The following ULK4 variants were observed in gnomAD, a reference collection of about 807,000 sequenced individuals.
ULK4 encodes the protein unc-51 like kinase 4.
A neutral mutation model predicts 160.6 loss-of-function variants in ULK4; 133 were observed. The observed-to-expected ratio is 0.83, with a 90% CI of 0.72 to 0.96. The LOEUF (loss-of-function observed/expected upper bound fraction) is 0.96. Among genes scored for constraint, ULK4 ranks in the 40% least tolerant of loss-of-function variants. The pLI is 0.00. For synonymous variants in ULK4, 534 were observed against 539.8 expected (o/e 0.99, Z 0.15); for missense variants, 1,580 against 1,499.5 (o/e 1.05, Z -0.89).
At chr3:41,677,627 G>A (rs1383488856) in intron 29 of ULK4, among the ~76,000 whole-genome samples, 2 of 152,030 alleles carry the variant, frequency 1.3e-5, no homozygotes, top group South Asian at 2.1e-4. Context: ...CACCGCGCCC[G>A]GCCCCTAAAG....
chr3:41,893,663 T>C, intron 16 of ULK4, among the ~76,000 whole-genome samples: 1 of 152,212 alleles, frequency 6.6e-6, no homozygotes, highest in East Asian at 1.9e-4. Flanking sequence ...AAATAGTAAA[T>C]AAAATGATCA....
intron 35 of ULK4, among the ~76,000 whole-genome samples, chr3:41,287,617 C>T (rs1290665146): frequency 2.6e-5 from 4 of 152,194 alleles, no homozygotes; most frequent in Admixed American, 6.5e-5. Flanking sequence ...TCTCCTTTCA[C>T]CCCTGGGGCA....
chr3:41,366,194 C>A (rs1197712465), intron 35 of ULK4, among the ~76,000 whole-genome samples: 1 of 152,182 alleles, frequency 6.6e-6, no homozygotes, highest in East Asian at 1.9e-4. Context: ...GGAATCCCAG[C>A]CAAAGGGCTT....
At chr3:41,560,485 CT>C (rs1316439106) in intron 32 of ULK4, among the ~76,000 whole-genome samples, 2 of 152,192 alleles carry the variant, frequency 1.3e-5, no homozygotes, top group African/African-American at 4.8e-5. Flanking sequence ...TTGATTCTTC[CT>C]ATCCATGAAC....
chr3:41,843,753 G>T (rs9758705), intron 17 of ULK4, among the ~76,000 whole-genome samples: 72 of 152,268 alleles, frequency 4.7e-4, no homozygotes, highest in African/African-American at 1.6e-3. Flanking sequence ...GGACCCGAGT[G>T]GGTTGCCACT....
chr3:41,733,824 T>C (rs6599173), intron 22 of ULK4, among the ~76,000 whole-genome samples: 19,541 of 139,622 alleles, frequency 0.14, 4,214 homozygotes, highest in African/African-American at 0.47. Flanking sequence ...AACCTCCACC[T>C]CCCGGGTTCA....
chr3:41,704,080 T>C (rs973132153), intron 27 of ULK4, among the ~76,000 whole-genome samples: 1 of 152,248 alleles, frequency 6.6e-6, no homozygotes, highest in Admixed American at 6.5e-5. Flanking sequence ...CAACTCATGA[T>C]TGACTGCTAT....
At chr3:41,648,100 A>G (rs2034590119) in intron 30 of ULK4, among the ~76,000 whole-genome samples, 1 of 151,952 alleles carries the variant, frequency 6.6e-6, no homozygotes, top group Non-Finnish European at 1.5e-5. Context: ...GCCGTCTGTC[A>G]CCCCTTTCTT....
chr3:41,832,809 T>C (rs989437150), intron 18 of ULK4, among the ~76,000 whole-genome samples: 5 of 152,210 alleles, frequency 3.3e-5, no homozygotes, highest in African/African-American at 1.2e-4. Flanking sequence ...CTTTCCCCAT[T>C]GCTTTTGTCA....
At chr3:41,919,009 T>C (rs1433721576) in intron 6 of ULK4, among the ~76,000 whole-genome samples, 1 of 152,190 alleles carries the variant, frequency 6.6e-6, no homozygotes. Context: ...TACGAGGCAC[T>C]GCCTATATAT....
chr3:41,527,977 T>A (rs1240447840), intron 32 of ULK4, among the ~76,000 whole-genome samples: 1 of 152,174 alleles, frequency 6.6e-6, no homozygotes, highest in Non-Finnish European at 1.5e-5. Flanking sequence ...CCTCGAGAAT[T>A]ATAAATGTAT....
chr3:41,251,711 G>A (rs1441570020), intron 35 of ULK4, among the ~76,000 whole-genome samples: 1 of 152,188 alleles, frequency 6.6e-6, no homozygotes, highest in Non-Finnish European at 1.5e-5. Context: ...TGGGGACAGA[G>A]GTGGCAGCAA....
intron 30 of ULK4, among the ~76,000 whole-genome samples, chr3:41,618,604 T>C (rs1048443229): frequency 6.6e-6 from 1 of 152,192 alleles, no homozygotes; most frequent in Non-Finnish European, 1.5e-5. Flanking sequence ...AGGCCTGCTT[T>C]ACAGGAGCTC....
intron 30 of ULK4, among the ~76,000 whole-genome samples, chr3:41,645,303 C>A (rs2125726901): frequency 6.6e-6 from 1 of 151,882 alleles, no homozygotes; most frequent in Non-Finnish European, 1.5e-5. Flanking sequence ...AATATTGGAT[C>A]TTTCCTGCTT....
chr3:41,501,174 A>C (rs2085190999), intron 32 of ULK4, among the ~76,000 whole-genome samples: 1 of 148,686 alleles, frequency 6.7e-6, no homozygotes, highest in African/African-American at 2.5e-5. Flanking sequence ...TGGCACAGCC[A>C]GTTTGGAAAA....
intron 19 of ULK4, among the ~76,000 whole-genome samples, chr3:41,803,485 T>C (rs1456158149): frequency 6.6e-6 from 1 of 151,696 alleles, no homozygotes; most frequent in Non-Finnish European, 1.5e-5. Context: ...CTTTCTTTTT[T>C]ATTATTATTA....
intron 21 of ULK4, among the ~76,000 whole-genome samples, chr3:41,774,513 C>T (rs2039528282): frequency 6.7e-6 from 1 of 148,892 alleles, no homozygotes; most frequent in African/African-American, 2.6e-5. Flanking sequence ...CAAATCAAAA[C>T]CACAATGAGA....
chr3:41,342,059 T>A (rs780916226), intron 35 of ULK4, among the ~76,000 whole-genome samples: 28 of 152,192 alleles, frequency 1.8e-4, no homozygotes, highest in Non-Finnish European at 4.0e-4. Context: ...TGATAAGAAC[T>A]GGAATAAACT....
intron 18 of ULK4, among the ~76,000 whole-genome samples, chr3:41,831,580 G>A (rs781509944): frequency 2.7e-5 from 4 of 148,862 alleles, no homozygotes; most frequent in Non-Finnish European, 3.0e-5. Flanking sequence ...TGTGCAGGAC[G>A]TGCAGGTTTG....
Sources: allele counts gnomAD v4.1 joint callset (sites outside exome capture counted in the v4.1 genomes callset), GRCh38; gene constraint gnomAD v4.1.1; transcripts MANE v1.5; gene names NCBI Gene and HGNC (gene_info 2026-07-23, HGNC 2026-07-21).